Variants in LRRC7 observed in about 807,000 individuals in gnomAD.
The protein encoded by LRRC7 is leucine rich repeat containing 7.
Under a neutral mutation model 175.7 loss-of-function variants are expected in LRRC7, and 23 were observed. The ratio of observed to expected loss-of-function variants is 0.13; its 90% CI spans 0.09 to 0.19. The LOEUF is 0.19. Ranked by LOEUF, LRRC7 falls within the 10% of genes least tolerant of loss-of-function variation. The pLI is 1.00. For synonymous variants in LRRC7, 685 were observed against 680.9 expected (o/e 1.01, Z -0.09); for missense variants, 1,354 against 1,904.7 (o/e 0.71, Z 5.38).
At chr1:70,065,386 T>A (rs1055128367) in intron 23 of LRRC7, among the ~76,000 whole-genome samples, 1 of 151,936 alleles carries the variant, frequency 6.6e-6, no homozygotes, top group Admixed American at 6.6e-5. Flanking sequence ...TCTTATAGAG[T>A]GGCTTTGAAA....
chr1:69,695,431 A>G (rs192253858), intron 2 of LRRC7, among the ~76,000 whole-genome samples: 3 of 152,364 alleles, frequency 2.0e-5, no homozygotes, highest in Non-Finnish European at 4.4e-5. Flanking sequence ...GCACAGCATA[A>G]AAGTTTAGAA....
chr1:69,923,612 G>C (rs1330033331), intron 7 of LRRC7, among the ~76,000 whole-genome samples: 1 of 152,206 alleles, frequency 6.6e-6, no homozygotes. Flanking sequence ...TTTCAGAAGT[G>C]TCTGTTCATG....
chr1:69,589,824 A>G (rs1167524966), intron 1 of LRRC7, among the ~76,000 whole-genome samples: 1 of 152,138 alleles, frequency 6.6e-6, no homozygotes, highest in African/African-American at 2.4e-5. Flanking sequence ...ACTCTTTTGT[A>G]GTCTGTGGCT....
At chr1:70,116,471 C>T (rs1039058805) in intron 26 of LRRC7, among the ~76,000 whole-genome samples, 3 of 148,676 alleles carry the variant, frequency 2.0e-5, no homozygotes, top group African/African-American at 7.5e-5. Context: ...GGCGTGAGCC[C>T]GGGAGGCAGA....
Position 69,994,289 on chromosome 1 carries a change from T to G in LRRC7, c.932-272T>G, listed in dbSNP as rs114051638. Among the ~76,000 whole-genome samples the G allele has an allele frequency of 3.1e-3, 473 of 152,286 alleles. 3 individuals are homozygous for G. Among genetic ancestry groups the G allele is most frequent in the African/African-American group, 0.01 (425 of 41,568 alleles). ...ATACAAAAGGGAAATGTAGTAGTAT[T>G]AGTGTCAACTGGGGTGTATGTGGAG... On this transcript the variant is annotated intron_variant, in intron 10 of 26. Transcript: ENST00000651989.
chr1:69,624,037 A>G (rs1651086683), intron 1 of LRRC7, among the ~76,000 whole-genome samples: 1 of 152,118 alleles, frequency 6.6e-6, no homozygotes, highest in South Asian at 2.1e-4. Context: ...TCTCTTGGCT[A>G]TATATACCTA....
intron 1 of LRRC7, among the ~76,000 whole-genome samples, chr1:69,651,856 T>C (rs1490122894): frequency 6.6e-6 from 1 of 152,054 alleles, no homozygotes; most frequent in Non-Finnish European, 1.5e-5. Context: ...CAGTACCTCA[T>C]TCAGAGCACT....
At chr1:69,666,933 A>G (rs2100556080) in intron 1 of LRRC7, among the ~76,000 whole-genome samples, 1 of 152,106 alleles carries the variant, frequency 6.6e-6, no homozygotes, top group African/African-American at 2.4e-5. Context: ...TTTGTGATGT[A>G]GGCACTAATA....
chr1:69,613,987 A>G (rs1649211543), intron 1 of LRRC7, among the ~76,000 whole-genome samples: 1 of 152,028 alleles, frequency 6.6e-6, no homozygotes, highest in Admixed American at 6.6e-5. Flanking sequence ...ATATAATAAT[A>G]TTTATCTATC....
chr1:69,855,862 T>TC lies in LRRC7; in HGVS notation c.647+17582dup, dbSNP rs1159582461. ...TAGTCAGCTGTTCTTGTTGAATTGA[T>TC]CCCTATACCATTAGGTAATGGCCTT... is the stretch of plus-strand genomic sequence containing the variant. On this transcript the variant is annotated intron_variant, in intron 7 of 26. Coordinates refer to ENST00000651989, the MANE Select transcript of LRRC7 (RefSeq NM_001370785.2). 3.3e-5 allele frequency among the ~76,000 whole-genome samples: 5 copies of TC among 152,216 alleles called. No individual in the cohort carries two copies. The East Asian group carries it at 9.6e-4, about 29-fold the overall frequency.
rs912265391 is a variant in LRRC7, at chr1:70,143,642, G to A, written c.*21755G>A. ...GGCTGTATACAAATTCGGGTGGGAGGGGGCAGGAAACACCTCTTCACATTT... is the reference window on the plus strand; with the variant it reads ...GGCTGTATACAAATTCGGGTGGGAGAGGGCAGGAAACACCTCTTCACATTT... On this transcript the variant is annotated 3_prime_UTR_variant, in exon 27 of 27. Coordinates refer to ENST00000651989, the MANE Select transcript of LRRC7 (RefSeq NM_001370785.2). 6.6e-6 allele frequency: 1 copy of A among 151,970 alleles called. No individual in the cohort carries two copies. The highest frequency in any genetic ancestry group is 1.5e-5 in the Non-Finnish European group (1 of 67,980). The allele number at this position is 151,970 out of a possible 1,614,324, so 9.4% of individuals were successfully genotyped here. A position where few individuals can be genotyped will look rare whatever the true frequency, so the allele number is the denominator to read the frequency against.
chr1:69,914,641 C>G (rs1205084766), intron 7 of LRRC7, among the ~76,000 whole-genome samples: 1 of 151,888 alleles, frequency 6.6e-6, no homozygotes, highest in Non-Finnish European at 1.5e-5. Context: ...ATTCTCAATC[C>G]TTAATTTATC....
In LRRC7 at chr1:69,872,421, A is replaced by G. The variant is rs946792720; in HGVS notation, c.647+34138A>G. 3.3e-5 allele frequency among the ~76,000 whole-genome samples: 5 copies of G among 152,028 alleles called. No homozygotes were observed. The East Asian group carries it at 7.7e-4, about 23-fold the overall frequency. On this transcript the variant is annotated intron_variant, in intron 7 of 26. Coordinates refer to ENST00000651989, the MANE Select transcript of LRRC7 (RefSeq NM_001370785.2). The stretch of plus-strand genomic sequence containing the variant: ...TTATGATCATTTGTTACTCTACAGT[A>G]TATCAAATATAATGGAGTCAGGTGC...
intron 11 of LRRC7, among the ~76,000 whole-genome samples, chr1:70,008,719 C>T (rs1334859070): frequency 7.2e-5 from 11 of 152,030 alleles, no homozygotes; most frequent in Admixed American, 7.2e-4. Flanking sequence ...GAGCATTATC[C>T]AATAGTTGTA....
At chr1:69,872,705 A>C (rs923994310) in intron 7 of LRRC7, among the ~76,000 whole-genome samples, 2 of 152,118 alleles carry the variant, frequency 1.3e-5, no homozygotes, top group Non-Finnish European at 1.5e-5. Flanking sequence ...GCCTGGCAAA[A>C]GTTGCTATTT....
At chr1:69,708,449 C>A (rs963545603) in intron 2 of LRRC7, among the ~76,000 whole-genome samples, 1 of 152,100 alleles carries the variant, frequency 6.6e-6, no homozygotes, top group Non-Finnish European at 1.5e-5. Context: ...CCTTTTTGAA[C>A]GTTGTTTCTT....
chr1:69,746,899 A>G (rs187292614), intron 2 of LRRC7, among the ~76,000 whole-genome samples: 4 of 152,254 alleles, frequency 2.6e-5, no homozygotes, highest in Non-Finnish European at 4.4e-5. Flanking sequence ...GGAAGCCCCA[A>G]ATCAAGGCAA....
At chr1:69,654,893 AT>A (rs1656384900) in intron 1 of LRRC7, among the ~76,000 whole-genome samples, 1 of 152,148 alleles carries the variant, frequency 6.6e-6, no homozygotes, top group Non-Finnish European at 1.5e-5. Flanking sequence ...TAAAATATAC[AT>A]TTTGATAAAT....
At chr1:69,666,351 T>C (rs72673029) in intron 1 of LRRC7, among the ~76,000 whole-genome samples, 35,292 of 152,012 alleles carry the variant, frequency 0.23, 4,202 homozygotes, top group South Asian at 0.28. Context: ...TCTGAAAGTA[T>C]TCCTTCCTCC....
Sources: gnomAD v4.1 joint callset for allele counts (sites outside exome capture counted in the v4.1 genomes callset) on GRCh38, gnomAD v4.1.1 for gene constraint, MANE v1.5 for transcripts, NCBI Gene and HGNC (gene_info 2026-07-23, HGNC 2026-07-21) for gene names.